Variants in NCLN observed in about 807,000 individuals in gnomAD.
NCLN encodes nicalin, also known as BOS complex subunit NCLN.
NCLN carries 34 observed loss-of-function variants against 69.5 expected under a neutral mutation model. That is an observed-to-expected ratio of 0.49 (90% CI 0.37 to 0.65). The LOEUF (loss-of-function observed/expected upper bound fraction) is 0.65. Ranked by LOEUF, NCLN falls within the 30% of genes least tolerant of loss-of-function variation. NCLN has a pLI of 0.00. For missense variants in NCLN, 710 were observed against 804.8 expected (o/e 0.88, Z 1.42); for synonymous variants, 393 against 358.3 (o/e 1.10, Z -1.09).
At chr19:3,199,806 T>A (rs1014178594) in intron 5 of NCLN, among the ~76,000 whole-genome samples, 9 of 149,404 alleles carry the variant, frequency 6.0e-5, no homozygotes, top group African/African-American at 1.7e-4. Flanking sequence ...GTTTAAGCGA[T>A]TCTCCTGCCT....
rs572581531 is a variant in NCLN at position 3,195,466 on chromosome 19, G to A, written c.521-717G>A. On this transcript the variant is annotated intron_variant, in intron 3 of 14. Coordinates refer to ENST00000246117, the MANE Select transcript of NCLN (RefSeq NM_020170.4). ...GGGTTTCACCGTGTTAGCCAGGAGG[G>A]TCTCGATCTCCTGACGTCGTGATTC... 3.3e-5 allele frequency among the ~76,000 whole-genome samples: 5 copies of A among 152,176 alleles called. No individual in the cohort carries two copies. In the East Asian group the frequency reaches 9.7e-4, roughly 30 times the overall value.
intron 3 of NCLN, 101 bp from the exon 4 acceptor site, chr19:3,196,082 G>T: frequency 1.4e-6 from 1 of 696,554 alleles, no homozygotes; most frequent in Non-Finnish European, 2.3e-6. Flanking sequence ...CCGGCTGGTT[G>T]GCTCTGCCCG....
intron 1 of NCLN, among the ~76,000 whole-genome samples, chr19:3,188,633 C>T (rs1473517851): frequency 6.6e-6 from 1 of 152,214 alleles, no homozygotes; most frequent in Non-Finnish European, 1.5e-5. Flanking sequence ...TTTTCACTGG[C>T]CTCCTCCCCT....
chr19:3,197,960 A>G (rs1263548183), intron 4 of NCLN, among the ~76,000 whole-genome samples: 1 of 152,214 alleles, frequency 6.6e-6, no homozygotes, highest in Non-Finnish European at 1.5e-5. Context: ...ATGCTGATGC[A>G]TGTGCAAGCC....
At position 3,191,420 on chromosome 19, in the gene NCLN, G is replaced by A. The variant is rs79908374; in HGVS notation, c.185-1050G>A. 7.2e-3 allele frequency among the ~76,000 whole-genome samples: 1,102 copies of A among 152,172 alleles called. 13 individuals are homozygous for A. Among genetic ancestry groups the A allele is most frequent in the African/African-American group, 0.025 (1,055 of 41,510 alleles). On this transcript the variant is annotated intron_variant, in intron 1 of 14. Transcript: ENST00000246117. Reference sequence around the variant, plus strand: ...GGCCTTCCAGGGAAGACCCCGCCTCGCCCCAGAGACACCATAGCCCAAGCT... The same window carrying A: ...GGCCTTCCAGGGAAGACCCCGCCTCACCCCAGAGACACCATAGCCCAAGCT...
intron 5 of NCLN, among the ~76,000 whole-genome samples, chr19:3,200,009 T>G (rs1916084713): frequency 6.6e-6 from 1 of 151,500 alleles, no homozygotes; most frequent in African/African-American, 2.4e-5. Context: ...CCTGCCTCCT[T>G]TGAACACAAA....
intron 10 of NCLN, 47 bp downstream of exon 10, chr19:3,206,073 C>CCCCGGT: frequency 6.4e-7 from 1 of 1,571,640 alleles, no homozygotes; most frequent in Non-Finnish European, 8.6e-7. Context: ...CCAGCCCTGC[C>CCCCGGT]CCCGGCCCCG....
intron 1 of NCLN, among the ~76,000 whole-genome samples, chr19:3,191,846 G>T (rs369827157): frequency 7.2e-5 from 11 of 152,102 alleles, no homozygotes; most frequent in Non-Finnish European, 1.5e-4. Context: ...TGTAGACTTC[G>T]GTGTGGGGTG....
chr19:3,192,618 C>G lies in NCLN; in HGVS notation c.333C>G (p.Ile111Met), dbSNP rs945515741. 4 of 1,600,300 alleles carry G rather than the reference C, an allele frequency of 2.5e-6. No homozygotes were observed. In the African/African-American group the frequency reaches 5.4e-5, roughly 22 times the overall value. Residue 111 changes from isoleucine to methionine, a missense_variant, in exon 2 of 15, where the codon ATC becomes ATG. By Grantham distance (10) the Ile-to-Met change is conservative. Transcript: ENST00000246117. Reference protein sequence around the residue: ...LRQSAGAVVIILPRAMAAVPQ... With the variant: ...LRQSAGAVVIMLPRAMAAVPQ... ...AGTCGGCGGGCGCCGTGGTCATCAT[C>G]CTGCCCAGGGCCATGGCCGCCGTGC...
chr19:3,203,863 G>A lies in NCLN; in HGVS notation c.889+19G>A. On this transcript the variant is annotated intron_variant, in intron 7 of 14. Transcript: ENST00000246117. Reference sequence around the variant, plus strand: ...CACACAGGTGAGCGGCCCCGGGTGGGGGTGGGGGTGCCGCGGTGGTGGTGC... The same window carrying A: ...CACACAGGTGAGCGGCCCCGGGTGGAGGTGGGGGTGCCGCGGTGGTGGTGC... 2 of 1,609,112 alleles carry A rather than the reference G, an allele frequency of 1.2e-6. No homozygotes were observed. The highest frequency in any genetic ancestry group is 1.7e-6 in the Non-Finnish European group (2 of 1,178,328).
intron 4 of NCLN, among the ~76,000 whole-genome samples, 191 bp from the exon 5 acceptor site, chr19:3,198,626 C>T (rs548192439): frequency 1.2e-4 from 18 of 152,284 alleles, no homozygotes; most frequent in Admixed American, 8.5e-4. Context: ...GGCTCTACCT[C>T]CTCCCTGGAG....
intron 3 of NCLN, among the ~76,000 whole-genome samples, chr19:3,195,239 C>G (rs1915925265): frequency 6.7e-6 from 1 of 149,978 alleles, no homozygotes; most frequent in Admixed American, 6.7e-5. Context: ...GTGATCATAT[C>G]TTTTTGTTTT....
rs754984932 is a variant in NCLN at position 3,203,769 on chromosome 19, T to G, written c.814T>G (p.Phe272Val). ...CTTCCCTCCCAGCTACAACCTCCTG[T>G]TCTTTGCGTCTGGAGGAGGCAAGTT... ...KRTHAAYNLL[F>V]FASGGGKFNY... is the part of the protein sequence containing the mutation. Residue 272 changes from phenylalanine (F) to valine (V), a missense_variant, in exon 7 of 15, where the codon TTC (phenylalanine) becomes GTC (valine). Transcript: ENST00000246117. The G allele has an allele frequency of 6.2e-7, 1 of 1,612,614 alleles. No homozygotes were observed. The highest frequency in any genetic ancestry group is 8.5e-7 in the Non-Finnish European group (1 of 1,179,592).
rs1025452142 is a variant in NCLN, at chr19:3,205,314, C to T, written c.1208+563C>T. ...CCAGCAGGTGGGCGCCGTCTCCTCC[C>T]CCAGCGCCCGCAGTCCCGGCATAGA... On this transcript the variant is annotated intron_variant, in intron 9 of 14. Transcript: ENST00000246117. This position sits in a 1 kb window ranked among gnomAD's most constrained non-coding sequence, Gnocchi z 4.6. Among the ~76,000 whole-genome samples the T allele has an allele frequency of 6.6e-6, 1 of 152,132 alleles. No homozygotes were observed. The highest frequency in any genetic ancestry group is 1.5e-5 in the Non-Finnish European group (1 of 68,020).
Position 3,206,094 on chromosome 19 carries a change from T to C in NCLN, c.1297-58T>C, listed in dbSNP as rs1599360018. ...CTGCCCCCGGCCCCGGCCCCACCCCTGGCCCCAGCCCCACTGCAGGGGCCT... is the reference window on the plus strand; with the variant it reads ...CTGCCCCCGGCCCCGGCCCCACCCCCGGCCCCAGCCCCACTGCAGGGGCCT... On this transcript the variant is annotated intron_variant, in intron 10 of 14. Transcript: ENST00000246117. The C allele has an allele frequency of 9.6e-6, 14 of 1,460,592 alleles. No homozygotes were observed. In the East Asian group the frequency reaches 3.8e-4, roughly 39 times the overall value. 90.5% of individuals were successfully genotyped at this position (1,460,592 alleles called of 1,614,324 possible).
At chr19:3,191,867 G>A (rs1197594456) in intron 1 of NCLN, among the ~76,000 whole-genome samples, 2 of 144,342 alleles carry the variant, frequency 1.4e-5, no homozygotes, top group African/African-American at 5.2e-5. Context: ...GGAAGTGTGG[G>A]TTTCTCCCAG....
At chr19:3,187,737 C>G (rs775357080) in intron 1 of NCLN, among the ~76,000 whole-genome samples, 7 of 152,158 alleles carry the variant, frequency 4.6e-5, no homozygotes, top group African/African-American at 1.7e-4. Context: ...ACGATCCGGC[C>G]CTAATGTCCA....
chr19:3,207,140 C>T, intron 12 of NCLN, 58 bp from the exon 13 acceptor site: 1 of 1,599,572 alleles, frequency 6.3e-7, no homozygotes, highest in Non-Finnish European at 8.6e-7. Context: ...TCTACAAACC[C>T]TTTTTTAAGA....
In NCLN at chr19:3,196,164, G is replaced by A. The variant is rs1446810381; in HGVS notation, c.521-19G>A. ...GCCCTGGCTGGGCCAAGGCTGATGC[G>A]CCCTCTCCCTCTCCCTAGTACTGCT... On this transcript the variant is annotated intron_variant, in intron 3 of 14. Coordinates refer to ENST00000246117, the MANE Select transcript of NCLN (RefSeq NM_020170.4). 2.0e-6 allele frequency: 3 copies of A among 1,522,468 alleles called. No individual in the cohort carries two copies. Among genetic ancestry groups the A allele is most frequent in the Admixed American group, 2.0e-5 (1 of 49,458 alleles). 94.3% of individuals were successfully genotyped at this position (1,522,468 alleles called of 1,614,324 possible). A position where few individuals can be genotyped will look rare whatever the true frequency, so the allele number is the denominator to read the frequency against.
Sources: gnomAD v4.1 joint callset for allele counts (sites outside exome capture counted in the v4.1 genomes callset) on GRCh38, gnomAD v4.1.1 for gene constraint, Gnocchi (gnomAD v3.1) non-coding constraint, MANE v1.5 for transcripts, NCBI Gene and HGNC (gene_info 2026-07-23, HGNC 2026-07-21) for gene names.